SFXN1: variants seen among roughly 807,000 people sequenced by gnomAD.
SFXN1 encodes sideroflexin-1.
In SFXN1, 32 loss-of-function variants were observed where a neutral mutation model predicts 39.5. The ratio of observed to expected loss-of-function variants is 0.81; its 90% CI spans 0.61 to 1.09. The LOEUF (loss-of-function observed/expected upper bound fraction) is 1.09. SFXN1 is among the 50% of genes least tolerant of loss of function. SFXN1 has a pLI of 0.00. For missense variants in SFXN1, 402 were observed against 407.1 expected, an observed-to-expected ratio of 0.99 and a Z score of 0.11; for synonymous variants, 136 against 146.5, an observed-to-expected ratio of 0.93 and a Z score of 0.52.
At chr5:175,497,141 A>T (rs190554964) in intron 2 of SFXN1, among the ~76,000 whole-genome samples, 99 of 152,260 alleles carry the variant, frequency 6.5e-4, no homozygotes, top group African/African-American at 2.2e-3. Flanking sequence ...TGCCCACCTC[A>T]GCCTCCCAAA....
In SFXN1 at chr5:175,527,915, A is replaced by AT. The variant is rs879019439; in HGVS notation, c.*1203dup. 0.24 allele frequency: 28,704 copies of AT among 121,210 alleles called. 5,212 individuals carry two copies. Among genetic ancestry groups the AT allele is most frequent in the African/African-American group, 0.5 (14,612 of 29,014 alleles). The allele number at this position is 121,210 out of a possible 1,614,324, so 7.5% of individuals were successfully genotyped here. A position where few individuals can be genotyped will look rare whatever the true frequency, so the allele number is the denominator to read the frequency against. On this transcript the variant is annotated 3_prime_UTR_variant, in exon 11 of 11. Coordinates refer to ENST00000321442, the MANE Select transcript of SFXN1 (RefSeq NM_022754.7). Reference sequence around the variant, plus strand: ...GAATTCAACCAAGTTTGGATGGAAAATTTTTTTTTTTTTTTTTTTTTTGAG... The same window carrying AT: ...GAATTCAACCAAGTTTGGATGGAAAATTTTTTTTTTTTTTTTTTTTTTTGAG...
At chr5:175,504,856 G>A (rs921274808) in intron 2 of SFXN1, among the ~76,000 whole-genome samples, 6 of 151,918 alleles carry the variant, frequency 3.9e-5, no homozygotes, top group East Asian at 2.0e-4. Flanking sequence ...AGCCTCCTGA[G>A]TAGCTGGGGC....
chr5:175,514,125 G>A (rs1296338479), intron 7 of SFXN1, among the ~76,000 whole-genome samples: 1 of 152,168 alleles, frequency 6.6e-6, no homozygotes, highest in South Asian at 2.1e-4. Context: ...GTGGTGGGTT[G>A]AGAATAGGCT....
Position 175,481,884 on chromosome 5 carries a change from T to C in SFXN1, c.-10+3245T>C, listed in dbSNP as rs549004083. 4.0e-5 allele frequency among the ~76,000 whole-genome samples: 6 copies of C among 149,344 alleles called. No homozygotes were observed. The South Asian group carries it at 1.3e-3, about 32-fold the overall frequency. Reference sequence around the variant, plus strand: ...TGGCCATGCCCATAAAAAAGGCCACTATATGCAGATGACCAGCCCAACAGA... The same window carrying C: ...TGGCCATGCCCATAAAAAAGGCCACCATATGCAGATGACCAGCCCAACAGA... On this transcript the variant is annotated intron_variant, in intron 1 of 10. Transcript: ENST00000321442.
chr5:175,502,962 G>C (rs1055209813), intron 2 of SFXN1, among the ~76,000 whole-genome samples: 2 of 152,146 alleles, frequency 1.3e-5, no homozygotes, highest in African/African-American at 4.8e-5. Context: ...AAGTCAAAGA[G>C]GTCAGACACA....
chr5:175,502,263 C>T lies in SFXN1; in HGVS notation c.165-6769C>T, dbSNP rs558491168. Among the ~76,000 whole-genome samples the T allele has an allele frequency of 1.0e-3, 152 of 152,242 alleles. 2 individuals carry two copies. The highest frequency in any genetic ancestry group is 1.6e-3 in the Non-Finnish European group (112 of 68,022). On this transcript the variant is annotated intron_variant, in intron 2 of 10. Transcript: ENST00000321442. ...AGCCAGAGACTGCATGACCCCTAAACTGTAATTTCTGATCTTGTAGCTAAT... is the reference window on the plus strand; with the variant it reads ...AGCCAGAGACTGCATGACCCCTAAATTGTAATTTCTGATCTTGTAGCTAAT...
rs369735164 is a variant in SFXN1, at chr5:175,506,005, A to G, written c.165-3027A>G. Among the ~76,000 whole-genome samples the G allele has an allele frequency of 3.3e-5, 5 of 152,064 alleles. No individual in the cohort carries two copies. In the East Asian group the frequency reaches 7.7e-4, roughly 24 times the overall value. ...CTAAGTTTTATATTTTTTAGTAGAGATGGGATTTCACCATGTTGGCCAGGC... is the reference window on the plus strand; with the variant it reads ...CTAAGTTTTATATTTTTTAGTAGAGGTGGGATTTCACCATGTTGGCCAGGC... On this transcript the variant is annotated intron_variant, in intron 2 of 10. Transcript: ENST00000321442.
In SFXN1 at chr5:175,510,156, A is replaced by G. The variant is rs143399385; in HGVS notation, c.383A>G (p.Asn128Ser). 16 of 1,613,324 alleles carry G rather than the reference A, an allele frequency of 9.9e-6. No homozygotes were observed. The highest frequency in any genetic ancestry group is 3.3e-5 in the Admixed American group (2 of 59,936). Residue 128 changes from asparagine to serine, a missense_variant, in exon 4 of 11, where the codon AAT (asparagine) becomes AGT (serine). Coordinates refer to ENST00000321442, the MANE Select transcript of SFXN1 (RefSeq NM_022754.7). ...TGGCAGTGGATTAACCAGTCCTTCA[A>G]TGCCGTCGTCAATTACACCAACAGA... The part of the protein sequence containing the change: ...LFWQWINQSF[N>S]AVVNYTNRSG...
intron 10 of SFXN1, chr5:175,524,123 AAAATATATATAT>A (rs1345685204): frequency 1.6e-4 from 4 of 25,528 alleles, no homozygotes; most frequent in East Asian, 1.4e-3. Context: ...AAAAAAAAAA[AAAATATATATAT>A]ATATATATAT....
At chr5:175,520,723 A>T (rs1022552746) in intron 8 of SFXN1, among the ~76,000 whole-genome samples, 1 of 152,106 alleles carries the variant, frequency 6.6e-6, no homozygotes, top group African/African-American at 2.4e-5. Context: ...GCTAAGTACT[A>T]TGTTTACCCT....
At chr5:175,510,478 C>G (rs949868036) in intron 4 of SFXN1, among the ~76,000 whole-genome samples, 1 of 152,008 alleles carries the variant, frequency 6.6e-6, no homozygotes, top group African/African-American at 2.4e-5. Context: ...TCCTTCTCAC[C>G]CTGGAGCTCA....
intron 1 of SFXN1, among the ~76,000 whole-genome samples, chr5:175,487,045 C>T (rs985865143): frequency 7.9e-5 from 12 of 152,158 alleles, no homozygotes; most frequent in African/African-American, 2.2e-4. Flanking sequence ...AGATCTTCAC[C>T]GGGGAACATC....
chr5:175,511,197 A>G (rs1397749634), intron 4 of SFXN1, among the ~76,000 whole-genome samples: 1 of 152,132 alleles, frequency 6.6e-6, no homozygotes, highest in African/African-American at 2.4e-5. Context: ...ATTTTAACCA[A>G]CTCACTTCAA....
In SFXN1 at chr5:175,527,929, T is replaced by C. The variant is rs1166535292; in HGVS notation, c.*1195T>C. On this transcript the variant is annotated 3_prime_UTR_variant, in exon 11 of 11. Coordinates refer to ENST00000321442, the MANE Select transcript of SFXN1 (RefSeq NM_022754.7). Reference sequence around the variant, plus strand: ...TTGGATGGAAAATTTTTTTTTTTTTTTTTTTTTTGAGACGGAGTCTCGCTC... The same window carrying C: ...TTGGATGGAAAATTTTTTTTTTTTTCTTTTTTTTGAGACGGAGTCTCGCTC... 2 of 149,506 alleles carry C rather than the reference T, an allele frequency of 1.3e-5. No homozygotes were observed. Among genetic ancestry groups the C allele is most frequent in the Non-Finnish European group, 3.0e-5 (2 of 67,558 alleles). 9.3% of individuals were successfully genotyped at this position (149,506 alleles called of 1,614,324 possible).
intron 8 of SFXN1, among the ~76,000 whole-genome samples, chr5:175,517,920 G>C (rs1024751255): frequency 6.6e-6 from 1 of 152,000 alleles, no homozygotes; most frequent in African/African-American, 2.4e-5. Flanking sequence ...TACTTATCTG[G>C]GCTTTTACCT....
intron 1 of SFXN1, among the ~76,000 whole-genome samples, chr5:175,478,908 C>T (rs1213489897): frequency 6.6e-6 from 1 of 152,138 alleles, no homozygotes; most frequent in African/African-American, 2.4e-5. Flanking sequence ...GGCCTCGTCC[C>T]CGGTGGGAAG....
chr5:175,511,841 ATCTCTCTCTC>A (rs146338435), intron 5 of SFXN1, among the ~76,000 whole-genome samples: 2 of 94,416 alleles, frequency 2.1e-5, no homozygotes, highest in African/African-American at 1.2e-4. Flanking sequence ...AGGCAAGAGC[ATCTCTCTCTC>A]TCTCTCTCTC....
intron 10 of SFXN1, 78 bp from the exon 11 acceptor site, chr5:175,526,560 G>C: frequency 8.7e-7 from 1 of 1,143,258 alleles, no homozygotes. Flanking sequence ...CCACACCTGT[G>C]CCTTCTCCCT....
intron 2 of SFXN1, among the ~76,000 whole-genome samples, chr5:175,505,964 C>T (rs1193900061): frequency 6.6e-6 from 1 of 152,138 alleles, no homozygotes. Context: ...TTATAGGCGC[C>T]TGCCACCATG....
Sources: allele counts gnomAD v4.1 joint callset (sites outside exome capture counted in the v4.1 genomes callset), GRCh38; gene constraint gnomAD v4.1.1; transcripts MANE v1.5; gene names NCBI Gene and HGNC (gene_info 2026-07-23, HGNC 2026-07-21).